The following RIMBP2 variants were observed in gnomAD, a reference collection of about 807,000 sequenced individuals.
RIMBP2 encodes RIMS binding protein 2.
A neutral mutation model predicts 118.6 loss-of-function variants in RIMBP2; 48 were observed. The ratio of observed to expected loss-of-function variants is 0.40; its 90% CI spans 0.32 to 0.51. RIMBP2 has a LOEUF of 0.51. RIMBP2 is among the 20% of genes least tolerant of loss of function. The probability of loss-of-function intolerance (pLI) is 0.41; values close to 1 mark genes in which losing one functional copy is unlikely to be tolerated. For missense variants in RIMBP2, 1,551 were observed against 1,768.3 expected, an observed-to-expected ratio of 0.88 and a Z score of 2.20; for synonymous variants, 762 against 742.9, an observed-to-expected ratio of 1.03 and a Z score of -0.42.
In RIMBP2 at chr12:130,432,278, G is replaced by A. The variant is rs73444591; in HGVS notation, c.2253+2456C>T. On this transcript the variant is annotated intron_variant, in intron 14 of 22. Coordinates refer to ENST00000690449, the MANE Select transcript of RIMBP2 (RefSeq NM_001393629.1). ...CCAGCTCTGTTAGGAGACCATCTGC[G>A]TAATCATGGACAAAAATTCTCAATT... 2.1e-3 allele frequency: 947 copies of A among 456,528 alleles called. 7 individuals are homozygous for A. The highest frequency in any genetic ancestry group is 0.017 in the African/African-American group (850 of 50,132). 28.3% of individuals were successfully genotyped at this position (456,528 alleles called of 1,614,324 possible). A position where few individuals can be genotyped will look rare whatever the true frequency, so the allele number is the denominator to read the frequency against.
intron 2 of RIMBP2, among the ~76,000 whole-genome samples, chr12:130,551,178 A>G (rs1215350925): frequency 1.3e-5 from 2 of 152,140 alleles, no homozygotes; most frequent in Admixed American, 1.3e-4. Flanking sequence ...AAGGAGGGTG[A>G]CTCCAGCAAG....
chr12:130,479,086 C>A (rs2081714312), intron 4 of RIMBP2, 70 bp from the exon 5 acceptor site: 1 of 1,291,554 alleles, frequency 7.7e-7, no homozygotes, highest in Non-Finnish European at 1.1e-6. Flanking sequence ...CTATACCCTG[C>A]ACCAAGCTGG....
intron 2 of RIMBP2, among the ~76,000 whole-genome samples, chr12:130,535,441 G>A (rs1247277014): frequency 6.6e-6 from 1 of 152,000 alleles, no homozygotes; most frequent in African/African-American, 2.4e-5. Flanking sequence ...TTGAGCCCAG[G>A]AGGTCAAGGC....
chr12:130,553,742 T>C (rs2056068272), intron 2 of RIMBP2, among the ~76,000 whole-genome samples: 1 of 152,170 alleles, frequency 6.6e-6, no homozygotes. Context: ...AAACCTTGTC[T>C]TGAAAAAAAT....
At chr12:130,407,335 T>C (rs528329959) in intron 20 of RIMBP2, among the ~76,000 whole-genome samples, 1 of 152,326 alleles carries the variant, frequency 6.6e-6, no homozygotes, top group East Asian at 1.9e-4. Context: ...ATCACTGGTT[T>C]CCTCTCTACT....
At chr12:130,564,552 A>C (rs983293425) in intron 2 of RIMBP2, among the ~76,000 whole-genome samples, 4 of 152,234 alleles carry the variant, frequency 2.6e-5, no homozygotes, top group Non-Finnish European at 5.9e-5. Flanking sequence ...ATATACATAC[A>C]ATGGAATATT....
intron 2 of RIMBP2, among the ~76,000 whole-genome samples, chr12:130,546,097 CTTTTTTTT>C (rs56407634): frequency 5.6e-4 from 58 of 103,538 alleles, no homozygotes; most frequent in African/African-American, 2.1e-3. Flanking sequence ...ATCACTGCTT[CTTTTTTTT>C]TTTTTTTTTT....
chr12:130,679,981 G>A (rs1272480257), intron 1 of RIMBP2, among the ~76,000 whole-genome samples: 1 of 152,028 alleles, frequency 6.6e-6, no homozygotes, highest in Non-Finnish European at 1.5e-5. Flanking sequence ...GCCCGCCGTG[G>A]GAAGGATCCC....
intron 2 of RIMBP2, among the ~76,000 whole-genome samples, chr12:130,546,097 C>CTTTTTT (rs56407634): frequency 9.9e-4 from 102 of 103,518 alleles, no homozygotes; most frequent in Non-Finnish European, 1.6e-3. Flanking sequence ...ATCACTGCTT[C>CTTTTTT]TTTTTTTTTT....
chr12:130,699,904 T>TA (rs33963621), intron 1 of RIMBP2, among the ~76,000 whole-genome samples: 22,273 of 85,312 alleles, frequency 0.26, 4,153 homozygotes, highest in Non-Finnish European at 0.4. Flanking sequence ...GACTCTGTCT[T>TA]AAAAAAAAAA....
At chr12:130,558,054 C>T (rs1018408517) in intron 2 of RIMBP2, among the ~76,000 whole-genome samples, 2 of 152,204 alleles carry the variant, frequency 1.3e-5, no homozygotes, top group East Asian at 1.9e-4. Flanking sequence ...TTCAGACTCA[C>T]GTCTGGCATA....
At chr12:130,707,042 T>C (rs1237556620) in intron 1 of RIMBP2, among the ~76,000 whole-genome samples, 1 of 152,194 alleles carries the variant, frequency 6.6e-6, no homozygotes, top group African/African-American at 2.4e-5. Context: ...TAACTGAACG[T>C]GTCCTCAAGC....
intron 10 of RIMBP2, among the ~76,000 whole-genome samples, chr12:130,443,026 C>A (rs183656901): frequency 7.1e-4 from 108 of 152,306 alleles, no homozygotes; most frequent in Admixed American, 1.4e-3. Context: ...TGGCCCACAA[C>A]AGTGCACAGG....
At chr12:130,448,761 C>T (rs1005094356) in intron 9 of RIMBP2, among the ~76,000 whole-genome samples, 1 of 152,250 alleles carries the variant, frequency 6.6e-6, no homozygotes. Flanking sequence ...CCAGCATTCA[C>T]ATCTGCCTGG....
intron 6 of RIMBP2, among the ~76,000 whole-genome samples, chr12:130,468,814 C>A (rs967442223): frequency 6.6e-6 from 1 of 152,222 alleles, no homozygotes; most frequent in Non-Finnish European, 1.5e-5. Context: ...CTCTCCTCTG[C>A]GGTCATCTGA....
rs543722830 is a variant in RIMBP2 at position 130,521,521 on chromosome 12, C to A, written c.-216-3604G>T. 2.6e-5 allele frequency among the ~76,000 whole-genome samples: 4 copies of A among 152,346 alleles called. No individual in the cohort carries two copies. The East Asian group carries it at 7.7e-4, about 29-fold the overall frequency. ...GCACCAGCACGTCAGTCAGATCACA[C>A]AAACGCACGCGTGGTCCCACACCAC... On this transcript the variant is annotated intron_variant, in intron 2 of 22. Coordinates refer to ENST00000690449, the MANE Select transcript of RIMBP2 (RefSeq NM_001393629.1).
chr12:130,477,526 T>A (rs1366906999), intron 5 of RIMBP2, among the ~76,000 whole-genome samples: 7 of 152,192 alleles, frequency 4.6e-5, no homozygotes, highest in Admixed American at 3.9e-4. Context: ...GGATAACATC[T>A]AATGAAATAT....
chr12:130,705,163 GC>G (rs2066042480), intron 1 of RIMBP2, among the ~76,000 whole-genome samples: 1 of 152,184 alleles, frequency 6.6e-6, no homozygotes, highest in Non-Finnish European at 1.5e-5. Context: ...ACACGGATGT[GC>G]CTGAAACTGA....
intron 2 of RIMBP2, among the ~76,000 whole-genome samples, chr12:130,522,981 T>C (rs1320172520): frequency 6.6e-6 from 1 of 152,082 alleles, no homozygotes; most frequent in Non-Finnish European, 1.5e-5. Context: ...TCAGTCTCAC[T>C]CTGCCTCGGT....
Sources: allele counts gnomAD v4.1 joint callset (sites outside exome capture counted in the v4.1 genomes callset), GRCh38; gene constraint gnomAD v4.1.1; transcripts MANE v1.5; gene names NCBI Gene and HGNC (gene_info 2026-07-23, HGNC 2026-07-21).